SEPTIN10: variants seen among roughly 807,000 people sequenced by gnomAD.
SEPTIN10 encodes septin-10.
A neutral mutation model predicts 54.8 loss-of-function variants in SEPTIN10; 66 were observed. That is an observed-to-expected ratio of 1.21 (90% confidence interval 0.99 to 1.48). The LOEUF (loss-of-function observed/expected upper bound fraction) is 1.48. Ranked by LOEUF, SEPTIN10 falls within the 40% of genes most tolerant of loss-of-function variation. SEPTIN10 has a pLI of 0.00. For synonymous variants in SEPTIN10, 161 were observed against 181.0 expected (o/e 0.89, Z 0.89); for missense variants, 620 against 545.6 (o/e 1.14, Z -1.36).
chr2:109,569,064 T>C (rs369980261), intron 5 of SEPTIN10, among the ~76,000 whole-genome samples: 12 of 152,280 alleles, frequency 7.9e-5, no homozygotes, highest in African/African-American at 2.6e-4. Flanking sequence ...AGTTTGTTTT[T>C]CATCAAAAAC....
At chr2:109,596,601 C>G (rs905997634) in intron 1 of SEPTIN10, among the ~76,000 whole-genome samples, 3 of 149,456 alleles carry the variant, frequency 2.0e-5, no homozygotes, top group African/African-American at 7.4e-5. Flanking sequence ...TGGCAGACAG[C>G]GAGACTCCAT....
intron 5 of SEPTIN10, 37 bp downstream of exon 5, chr2:109,574,544 T>C (rs1413382195): frequency 3.8e-6 from 5 of 1,300,648 alleles, no homozygotes; most frequent in African/African-American, 3.0e-5. Context: ...AAAATAAATA[T>C]TAAAGTATGG....
chr2:109,551,509 T>C (rs1248992192), intron 9 of SEPTIN10, among the ~76,000 whole-genome samples: 1 of 152,122 alleles, frequency 6.6e-6, no homozygotes, highest in Non-Finnish European at 1.5e-5. Context: ...AAAGGAACGA[T>C]TTTGAAAGCC....
chr2:109,563,709 A>G (rs1686234538), intron 8 of SEPTIN10, among the ~76,000 whole-genome samples: 1 of 152,214 alleles, frequency 6.6e-6, no homozygotes, highest in African/African-American at 2.4e-5. Flanking sequence ...GAAACAATCT[A>G]ATCTCCAACT....
chr2:109,591,510 A>G (rs554173138), intron 2 of SEPTIN10, among the ~76,000 whole-genome samples: 1 of 152,232 alleles, frequency 6.6e-6, no homozygotes, highest in Non-Finnish European at 1.5e-5. Context: ...GGAAGATGGA[A>G]TAGACTGTTA....
At chr2:109,548,594 G>A (rs1441852242) in intron 9 of SEPTIN10, among the ~76,000 whole-genome samples, 3 of 151,972 alleles carry the variant, frequency 2.0e-5, no homozygotes, top group South Asian at 4.1e-4. Context: ...TGGGCAACAC[G>A]GGGAAACCCC....
intron 8 of SEPTIN10, among the ~76,000 whole-genome samples, chr2:109,558,168 G>C (rs184794669): frequency 3.0e-4 from 46 of 152,084 alleles, no homozygotes; most frequent in African/African-American, 1.1e-3. Flanking sequence ...TAAAGAGAAA[G>C]AAAGAAAAAA....
intron 1 of SEPTIN10, among the ~76,000 whole-genome samples, chr2:109,610,867 G>A (rs954867207): frequency 1.3e-5 from 2 of 152,094 alleles, no homozygotes; most frequent in Admixed American, 6.5e-5. Context: ...TAGATAAGAC[G>A]ATTCTAAAAC....
At chr2:109,610,164 C>T (rs933315563) in intron 1 of SEPTIN10, among the ~76,000 whole-genome samples, 10 of 151,670 alleles carry the variant, frequency 6.6e-5, no homozygotes, top group Non-Finnish European at 1.3e-4. Flanking sequence ...TCTCAGCTTA[C>T]TGCAACCTCC....
At chr2:109,575,103 C>A (rs897251519) in intron 4 of SEPTIN10, among the ~76,000 whole-genome samples, 4 of 152,332 alleles carry the variant, frequency 2.6e-5, no homozygotes, top group African/African-American at 7.2e-5. Flanking sequence ...ACTTCCGAAA[C>A]CATCAGGGCA....
intron 8 of SEPTIN10, among the ~76,000 whole-genome samples, chr2:109,562,869 C>T (rs1299426320): frequency 6.6e-6 from 1 of 151,808 alleles, no homozygotes; most frequent in African/African-American, 2.4e-5. Flanking sequence ...CAGAAGCATC[C>T]TATGCCTGAA....
intron 8 of SEPTIN10, among the ~76,000 whole-genome samples, chr2:109,563,570 G>C (rs1686193755): frequency 6.6e-6 from 1 of 152,170 alleles, no homozygotes; most frequent in East Asian, 1.9e-4. Context: ...GATTTGAGTT[G>C]CATAAAGTCT....
At chr2:109,575,240 T>C (rs1409007007) in intron 4 of SEPTIN10, among the ~76,000 whole-genome samples, 1 of 152,176 alleles carries the variant, frequency 6.6e-6, no homozygotes, top group East Asian at 1.9e-4. Flanking sequence ...GCAGTCTAAT[T>C]TGTAATTACT....
chr2:109,583,118 A>G (rs1362709516), intron 4 of SEPTIN10, among the ~76,000 whole-genome samples: 3 of 152,188 alleles, frequency 2.0e-5, no homozygotes, highest in Admixed American at 6.5e-5. Context: ...TTGGCCTTGG[A>G]AAAGAATTTA....
intron 4 of SEPTIN10, among the ~76,000 whole-genome samples, chr2:109,575,378 A>G (rs1194600659): frequency 6.6e-6 from 1 of 152,260 alleles, no homozygotes; most frequent in African/African-American, 2.4e-5. Flanking sequence ...TAAGTAAAGA[A>G]GAAAGGCATA....
chr2:109,569,038 G>C (rs1287498416), intron 5 of SEPTIN10, among the ~76,000 whole-genome samples: 1 of 152,114 alleles, frequency 6.6e-6, no homozygotes, highest in Non-Finnish European at 1.5e-5. Flanking sequence ...TGTGACTGGT[G>C]GTTCTTAAGT....
intron 2 of SEPTIN10, among the ~76,000 whole-genome samples, chr2:109,588,819 G>A (rs1182969883): frequency 6.9e-6 from 1 of 145,584 alleles, no homozygotes; most frequent in Non-Finnish European, 1.5e-5. Flanking sequence ...AAGGTTGGGT[G>A]TGGTAAGTTA....
Position 109,543,952 on chromosome 2 carries a change from T to C in SEPTIN10, c.*357A>G, listed in dbSNP as rs952262107. ...ATACATATAGCCTGAAAGTAATTTATACAAAAATTTTGTGCAAGAAACAAA... is the reference window on the plus strand; with the variant it reads ...ATACATATAGCCTGAAAGTAATTTACACAAAAATTTTGTGCAAGAAACAAA... On this transcript the variant is annotated 3_prime_UTR_variant, in exon 11 of 11. Coordinates refer to ENST00000397712, the MANE Select transcript of SEPTIN10 (RefSeq NM_144710.5). 7.0e-6 allele frequency: 4 copies of C among 568,734 alleles called. No homozygotes were observed. The highest frequency in any genetic ancestry group is 5.7e-5 in the African/African-American group (3 of 52,874). The allele number at this position is 568,734 out of a possible 1,614,324, so 35.2% of individuals were successfully genotyped here.
intron 8 of SEPTIN10, among the ~76,000 whole-genome samples, chr2:109,560,554 C>A (rs980532509): frequency 3.3e-5 from 5 of 152,180 alleles, no homozygotes; most frequent in African/African-American, 4.8e-5. Flanking sequence ...TTTAAATACC[C>A]ATGACTCTTA....
Sources: allele counts gnomAD v4.1 joint callset (sites outside exome capture counted in the v4.1 genomes callset), GRCh38; gene constraint gnomAD v4.1.1; transcripts MANE v1.5; gene names NCBI Gene and HGNC (gene_info 2026-07-23, HGNC 2026-07-21).